SLC8A1: variants seen among roughly 807,000 people sequenced by gnomAD.
SLC8A1 encodes sodium/calcium exchanger 1.
A neutral mutation model predicts 68.3 loss-of-function variants in SLC8A1; 18 were observed. The observed-to-expected ratio is 0.26, with a 90% CI of 0.18 to 0.39. The LOEUF is 0.39. Ranked by LOEUF, SLC8A1 falls within the 10% of genes least tolerant of loss-of-function variation. The pLI, the probability that SLC8A1 is intolerant of heterozygous loss-of-function variation, is 1.00. For missense variants in SLC8A1, 985 were observed against 1,156.7 expected, an observed-to-expected ratio of 0.85 and a Z score of 2.15; for synonymous variants, 475 against 415.5, an observed-to-expected ratio of 1.14 and a Z score of -1.74.
At chr2:40,227,627 A>C (rs956294683) in intron 2 of SLC8A1, among the ~76,000 whole-genome samples, 3 of 152,076 alleles carry the variant, frequency 2.0e-5, no homozygotes, top group African/African-American at 7.2e-5. Flanking sequence ...CTAGGTGATG[A>C]AATAATCTGT....
intron 1 of SLC8A1, among the ~76,000 whole-genome samples, chr2:40,436,613 A>G (rs1699473054): frequency 6.6e-6 from 1 of 152,142 alleles, no homozygotes; most frequent in Non-Finnish European, 1.5e-5. Context: ...CACTTTGGAC[A>G]TACTCAAGGA....
At chr2:40,222,532 T>C (rs568178336) in intron 2 of SLC8A1, among the ~76,000 whole-genome samples, 3 of 152,262 alleles carry the variant, frequency 2.0e-5, no homozygotes, top group African/African-American at 7.2e-5. Context: ...AAATGGGATC[T>C]GATTAAACTG....
At chr2:40,385,466 T>C (rs1683258973) in intron 2 of SLC8A1, among the ~76,000 whole-genome samples, 1 of 150,444 alleles carries the variant, frequency 6.6e-6, no homozygotes. Context: ...CTGTATCAAT[T>C]GCTACGAAAA....
intron 1 of SLC8A1, among the ~76,000 whole-genome samples, chr2:40,441,832 A>T (rs1273023146): frequency 6.6e-6 from 1 of 152,136 alleles, no homozygotes; most frequent in Non-Finnish European, 1.5e-5. Flanking sequence ...AAACCTAGGC[A>T]ATACCATTCA....
chr2:40,313,014 TAC>T (rs200011751), intron 2 of SLC8A1, among the ~76,000 whole-genome samples: 3 of 152,016 alleles, frequency 2.0e-5, no homozygotes, highest in South Asian at 4.2e-4. Context: ...ACTACGTATA[TAC>T]ACACACACAC....
At chr2:40,428,415 A>G (rs1434131676) in intron 2 of SLC8A1, 58 bp downstream of exon 2, 6 of 1,401,170 alleles carry the variant, frequency 4.3e-6, no homozygotes. Context: ...ATTCATAAAC[A>G]CACTGAACCA....
chr2:40,449,758 G>A (rs558383709), intron 1 of SLC8A1, among the ~76,000 whole-genome samples: 83 of 152,234 alleles, frequency 5.5e-4, no homozygotes, highest in Non-Finnish European at 9.3e-4. Context: ...GCCCTGTTAA[G>A]CTTTCAAGAC....
intron 2 of SLC8A1, among the ~76,000 whole-genome samples, chr2:40,255,576 T>TCTTACTTCACCTCTC (rs2063779545): frequency 6.6e-6 from 1 of 152,226 alleles, no homozygotes; most frequent in Admixed American, 6.6e-5. Context: ...AGACTGGTTC[T>TCTTACTTCACCTCTC]GTTACTTCAC....
chr2:40,411,524 T>C (rs72613872), intron 2 of SLC8A1, among the ~76,000 whole-genome samples: 7,345 of 152,086 alleles, frequency 0.048, 876 homozygotes, highest in East Asian at 0.43. Context: ...ATGTGAGCCA[T>C]GATTTTTTTG....
At chr2:40,136,223 A>G (rs2040473121) in intron 7 of SLC8A1, among the ~76,000 whole-genome samples, 1 of 152,190 alleles carries the variant, frequency 6.6e-6, no homozygotes, top group East Asian at 1.9e-4. Context: ...CTCTATTCAC[A>G]GGCACGGGTC....
chr2:40,495,144 T>C (rs1705608134), intron 1 of SLC8A1, among the ~76,000 whole-genome samples: 1 of 152,006 alleles, frequency 6.6e-6, no homozygotes, highest in Admixed American at 6.6e-5. Context: ...GATGTCTCAG[T>C]TGATGCATGA....
intron 1 of SLC8A1, among the ~76,000 whole-genome samples, chr2:40,459,993 T>C (rs1003480538): frequency 1.1e-4 from 17 of 151,756 alleles, no homozygotes; most frequent in South Asian, 6.3e-4. Context: ...ATAGCTGACC[T>C]CTTGTTTTTG....
chr2:40,493,787 TG>T (rs1705494381), intron 1 of SLC8A1, among the ~76,000 whole-genome samples: 1 of 151,934 alleles, frequency 6.6e-6, no homozygotes, highest in Non-Finnish European at 1.5e-5. Flanking sequence ...CCTGAGTAGC[TG>T]GGATTAGAGG....
intron 2 of SLC8A1, among the ~76,000 whole-genome samples, chr2:40,365,990 T>C (rs1170637988): frequency 1.1e-5 from 1 of 90,748 alleles, no homozygotes; most frequent in Non-Finnish European, 2.5e-5. Context: ...AATAAGACCC[T>C]GTCTGAAAAA....
intron 2 of SLC8A1, among the ~76,000 whole-genome samples, chr2:40,308,606 C>T (rs1434434565): frequency 6.6e-6 from 1 of 151,822 alleles, no homozygotes; most frequent in African/African-American, 2.4e-5. Context: ...TATCATAGTG[C>T]TATACTTTAC....
intron 6 of SLC8A1, among the ~76,000 whole-genome samples, chr2:40,153,717 G>C (rs564453514): frequency 6.6e-6 from 1 of 152,128 alleles, no homozygotes; most frequent in African/African-American, 2.4e-5. Context: ...TGTTTCATAA[G>C]ACCTGACACA....
At chr2:40,196,578 T>C (rs1479860077) in intron 2 of SLC8A1, among the ~76,000 whole-genome samples, 1 of 152,014 alleles carries the variant, frequency 6.6e-6, no homozygotes. Context: ...GGGGAATCTA[T>C]AGTGCTGAAA....
chr2:40,407,020 A>G (rs59693719), intron 2 of SLC8A1, among the ~76,000 whole-genome samples: 42,844 of 152,000 alleles, frequency 0.28, 6,168 homozygotes, highest in South Asian at 0.5. Flanking sequence ...CTAGGCCCAG[A>G]TCTGCCCCTT....
chr2:40,456,030 G>C (rs1702987726), upstream of SLC8A1, among the ~76,000 whole-genome samples: 1 of 152,178 alleles, frequency 6.6e-6, no homozygotes, highest in Admixed American at 6.5e-5. Context: ...AAAGAATTGG[G>C]TTTGGGCTGG....
Sources: gnomAD v4.1 joint callset for allele counts (sites outside exome capture counted in the v4.1 genomes callset) on GRCh38, gnomAD v4.1.1 for gene constraint, MANE v1.5 for transcripts, NCBI Gene and HGNC (gene_info 2026-07-23, HGNC 2026-07-21) for gene names.